Variants in HPSE2 observed in about 807,000 individuals in gnomAD.
The protein encoded by HPSE2 is heparanase 2 (inactive).
Under a neutral mutation model 60.5 loss-of-function variants are expected in HPSE2, and 38 were observed. The observed-to-expected ratio is 0.63, with a 90% CI of 0.48 to 0.82. The LOEUF (loss-of-function observed/expected upper bound fraction) is 0.82. Ranked by LOEUF, HPSE2 falls within the 40% of genes least tolerant of loss-of-function variation. The probability of loss-of-function intolerance (pLI) is 0.00; values close to 1 mark genes in which losing one functional copy is unlikely to be tolerated. For missense variants in HPSE2, 713 were observed against 740.4 expected (o/e 0.96, Z 0.43); for synonymous variants, 295 against 293.2 (o/e 1.01, Z -0.06).
the HPSE2 span, among the ~76,000 whole-genome samples, chr10:99,269,130 G>C: frequency 2.6e-5 from 4 of 151,934 alleles, no homozygotes; most frequent in Non-Finnish European, 5.9e-5. Flanking sequence ...CTGCACTCCG[G>C]CCTGGGGGAC....
chr10:98,698,844 C>G (rs1456568699), intron 5 of HPSE2, among the ~76,000 whole-genome samples: 4 of 152,194 alleles, frequency 2.6e-5, no homozygotes, highest in Non-Finnish European at 5.9e-5. Flanking sequence ...AAACTACCAT[C>G]AGAGACTACT....
At chr10:98,602,149 A>G (rs1011269613) in intron 9 of HPSE2, among the ~76,000 whole-genome samples, 5 of 152,190 alleles carry the variant, frequency 3.3e-5, no homozygotes, top group Non-Finnish European at 4.4e-5. Flanking sequence ...AATGAACAAA[A>G]GTAGAACTAA....
intron 3 of HPSE2, among the ~76,000 whole-genome samples, chr10:98,942,668 T>C (rs1377873696): frequency 6.6e-6 from 1 of 152,146 alleles, no homozygotes; most frequent in Non-Finnish European, 1.5e-5. Flanking sequence ...TAGAAGTCAG[T>C]GTGGCGATTC....
intron 2 of HPSE2, among the ~76,000 whole-genome samples, chr10:99,171,889 C>T (rs1164866507): frequency 6.6e-6 from 1 of 151,900 alleles, no homozygotes; most frequent in Non-Finnish European, 1.5e-5. Context: ...TGTTTATATT[C>T]CTGACTTATT....
chr10:98,907,050 A>G (rs1953843066), intron 3 of HPSE2, among the ~76,000 whole-genome samples: 1 of 152,208 alleles, frequency 6.6e-6, no homozygotes, highest in Non-Finnish European at 1.5e-5. Flanking sequence ...CCTCACAACA[A>G]TTCTGTGAGG....
chr10:99,184,811 TATATATATAGAGAGAGAGAGAGAGAGAG>T (rs1242201787), intron 2 of HPSE2, among the ~76,000 whole-genome samples: 2 of 37,880 alleles, frequency 5.3e-5, no homozygotes, highest in Non-Finnish European at 1.4e-4. Flanking sequence ...TATATATATA[TATATATATAGAGAGAGAGAGAGAGAGAG>T]AGAGAGAGAG....
chr10:98,602,219 T>A (rs1352092488), intron 9 of HPSE2, among the ~76,000 whole-genome samples: 1 of 152,160 alleles, frequency 6.6e-6, no homozygotes, highest in African/African-American at 2.4e-5. Flanking sequence ...ACCTTGGCTT[T>A]TGGTCACTTT....
chr10:99,173,669 C>A (rs1019294132), intron 2 of HPSE2, among the ~76,000 whole-genome samples: 2 of 152,058 alleles, frequency 1.3e-5, no homozygotes, highest in African/African-American at 4.8e-5. Flanking sequence ...AGAGGCCAGG[C>A]GCGGTGGCTC....
intron 3 of HPSE2, among the ~76,000 whole-genome samples, chr10:99,095,883 TTTTTA>T (rs1843702605): frequency 6.6e-6 from 1 of 152,218 alleles, no homozygotes. Flanking sequence ...CTTTTCACAC[TTTTTA>T]TTTTCAGTTC....
chr10:98,631,287 A>G (rs769882651), intron 7 of HPSE2, among the ~76,000 whole-genome samples: 2 of 152,228 alleles, frequency 1.3e-5, no homozygotes, highest in South Asian at 2.1e-4. Context: ...AAATAAGGAC[A>G]TACACAAAAA....
intron 3 of HPSE2, among the ~76,000 whole-genome samples, chr10:99,053,579 A>G (rs1958039182): frequency 6.6e-6 from 1 of 152,122 alleles, no homozygotes; most frequent in Non-Finnish European, 1.5e-5. Flanking sequence ...AACTTGAACA[A>G]AATATTTGCT....
chr10:98,907,905 T>C (rs1194384990), intron 3 of HPSE2, among the ~76,000 whole-genome samples: 2 of 152,228 alleles, frequency 1.3e-5, no homozygotes, highest in Non-Finnish European at 2.9e-5. Flanking sequence ...TTAGTATATA[T>C]TGAAAATCTC....
chr10:99,085,572 G>A (rs943011002), intron 3 of HPSE2, among the ~76,000 whole-genome samples: 12 of 152,002 alleles, frequency 7.9e-5, no homozygotes, highest in African/African-American at 2.7e-4. Flanking sequence ...TGTTTACTCA[G>A]CATTAAAACC....
chr10:99,035,813 G>T (rs1957597061), intron 3 of HPSE2, among the ~76,000 whole-genome samples: 1 of 152,176 alleles, frequency 6.6e-6, no homozygotes, highest in African/African-American at 2.4e-5. Flanking sequence ...ATTATGCAGT[G>T]CATGACTGTA....
intron 3 of HPSE2, among the ~76,000 whole-genome samples, chr10:99,105,928 G>T (rs1377053147): frequency 1.3e-5 from 2 of 151,946 alleles, no homozygotes; most frequent in Non-Finnish European, 2.9e-5. Context: ...AATCATAAGC[G>T]ATTATTGCAA....
chr10:98,756,469 A>T (rs191445029), intron 3 of HPSE2, among the ~76,000 whole-genome samples: 1 of 152,262 alleles, frequency 6.6e-6, no homozygotes, highest in Non-Finnish European at 1.5e-5. Context: ...AAACACAATC[A>T]GAAATGACAA....
intron 3 of HPSE2, among the ~76,000 whole-genome samples, chr10:99,111,649 C>G (rs916569051): frequency 6.6e-6 from 1 of 152,176 alleles, no homozygotes; most frequent in African/African-American, 2.4e-5. Flanking sequence ...TGTTACTTAC[C>G]TATAAACCAG....
intron 11 of HPSE2, among the ~76,000 whole-genome samples, chr10:98,482,132 T>C (rs1941259563): frequency 6.6e-6 from 1 of 152,302 alleles, no homozygotes; most frequent in Admixed American, 6.5e-5. Flanking sequence ...AGACTCTTTA[T>C]CTCTGACCTT....
the HPSE2 span, among the ~76,000 whole-genome samples, chr10:99,291,523 G>A: frequency 6.7e-6 from 1 of 148,694 alleles, no homozygotes; most frequent in African/African-American, 2.5e-5. Context: ...GGTGGAGGTT[G>A]CAGTGAGCCG....
Sources: gnomAD v4.1 joint callset for allele counts (sites outside exome capture counted in the v4.1 genomes callset) on GRCh38, gnomAD v4.1.1 for gene constraint, MANE v1.5 for transcripts, NCBI Gene and HGNC (gene_info 2026-07-23, HGNC 2026-07-21) for gene names.